Variants in RANBP17 observed in about 807,000 individuals in gnomAD.
RANBP17 encodes ran-binding protein 17.
A neutral mutation model predicts 141.2 loss-of-function variants in RANBP17; 158 were observed. The ratio of observed to expected loss-of-function variants is 1.12; its 90% confidence interval spans 0.98 to 1.28. RANBP17 has a LOEUF of 1.28. RANBP17 is among the 50% of genes most tolerant of loss of function. RANBP17 has a pLI of 0.00. For missense variants in RANBP17, 1,438 were observed against 1,290.7 expected (o/e 1.11, Z -1.75); for synonymous variants, 430 against 450.0 (o/e 0.96, Z 0.56).
At chr5:171,232,797 T>C (rs1297604118) in intron 22 of RANBP17, among the ~76,000 whole-genome samples, 1 of 152,144 alleles carries the variant, frequency 6.6e-6, no homozygotes, top group Non-Finnish European at 1.5e-5. Flanking sequence ...TGTTAACATA[T>C]ATAAATCTAC....
intron 14 of RANBP17, among the ~76,000 whole-genome samples, chr5:171,112,319 TC>T (rs1401827009): frequency 2.0e-5 from 3 of 152,160 alleles, no homozygotes; most frequent in African/African-American, 7.2e-5. Flanking sequence ...AAAATTTTTT[TC>T]AGTGTAAAAT....
intron 14 of RANBP17, among the ~76,000 whole-genome samples, chr5:171,086,585 T>C (rs1467087088): frequency 2.3e-4 from 33 of 142,800 alleles, no homozygotes; most frequent in Non-Finnish European, 4.6e-5. Context: ...TGTGAATCCA[T>C]CTGGTCCTGG....
At chr5:171,270,219 A>C (rs1175781474) in intron 25 of RANBP17, among the ~76,000 whole-genome samples, 2 of 152,320 alleles carry the variant, frequency 1.3e-5, no homozygotes, top group African/African-American at 4.8e-5. Context: ...GAGCTTCAAA[A>C]TTTTTAAAAA....
chr5:171,256,859 A>G (rs1196492991), intron 24 of RANBP17, among the ~76,000 whole-genome samples: 3 of 152,194 alleles, frequency 2.0e-5, no homozygotes, highest in African/African-American at 7.2e-5. Context: ...TGAACCAGGA[A>G]GAAATAGAAG....
At chr5:171,243,822 C>A (rs1019466703) in intron 24 of RANBP17, among the ~76,000 whole-genome samples, 1 of 150,786 alleles carries the variant, frequency 6.6e-6, no homozygotes, top group African/African-American at 2.4e-5. Context: ...GCCTGTAATC[C>A]CAGCACTTTG....
In RANBP17 at chr5:171,249,778, T is replaced by C. The variant is rs368853728; in HGVS notation, c.2776+6958T>C. Reference sequence around the variant, plus strand: ...TCATGACATATGAAACAACATAAAGTGATTGAATATTCAAATTGCCAGCAT... The same window carrying C: ...TCATGACATATGAAACAACATAAAGCGATTGAATATTCAAATTGCCAGCAT... On this transcript the variant is annotated intron_variant, in intron 24 of 27. Coordinates refer to ENST00000523189, the MANE Select transcript of RANBP17 (RefSeq NM_022897.5). Among the ~76,000 whole-genome samples, 195 of 152,048 alleles carry C rather than the reference T, an allele frequency of 1.3e-3. 9 individuals are homozygous for C. In the South Asian group the frequency reaches 0.039, roughly 30 times the overall value.
intron 14 of RANBP17, among the ~76,000 whole-genome samples, chr5:170,974,525 AGTGGCT>A (rs1777222838): frequency 1.3e-5 from 2 of 152,148 alleles, no homozygotes; most frequent in Non-Finnish European, 2.9e-5. Context: ...ATCACATGCC[AGTGGCT>A]CTTTTAGTCT....
intron 1 of RANBP17, among the ~76,000 whole-genome samples, chr5:170,866,122 A>G (rs1243507069): frequency 6.6e-6 from 1 of 152,144 alleles, no homozygotes; most frequent in African/African-American, 2.4e-5. Context: ...GATCCTAAAC[A>G]TGTAATTGGT....
intron 14 of RANBP17, among the ~76,000 whole-genome samples, chr5:171,051,197 A>C (rs1285247489): frequency 6.6e-6 from 1 of 152,034 alleles, no homozygotes; most frequent in Admixed American, 6.6e-5. Context: ...CTGTAAGTTT[A>C]TGTATTTTGC....
chr5:170,945,815 G>T (rs1390780635), intron 12 of RANBP17, among the ~76,000 whole-genome samples: 1 of 151,890 alleles, frequency 6.6e-6, no homozygotes, highest in Non-Finnish European at 1.5e-5. Flanking sequence ...CTTGTTTTGG[G>T]AATCAAAAAA....
rs575646299 is a variant in RANBP17 at position 170,939,171 on chromosome 5, A to G, written c.1469-14426A>G. Among the ~76,000 whole-genome samples, 200 of 152,274 alleles carry G rather than the reference A, an allele frequency of 1.3e-3. 1 individual carries two copies. Among genetic ancestry groups the G allele is most frequent in the South Asian group, 1.9e-3 (9 of 4,832 alleles). On this transcript the variant is annotated intron_variant, in intron 12 of 27. Transcript: ENST00000523189. ...CCAGGCTGTTATTGTATATCAGCAAAAATATCTTTCGAGAAAAACGATATA... is the reference window on the plus strand; with the variant it reads ...CCAGGCTGTTATTGTATATCAGCAAGAATATCTTTCGAGAAAAACGATATA...
rs150660474 is a variant in RANBP17 at position 171,178,954 on chromosome 5, T to C, written c.1866-4213T>C. 4.6e-3 allele frequency among the ~76,000 whole-genome samples: 700 copies of C among 152,350 alleles called. 5 individuals are homozygous for C. The highest frequency in any genetic ancestry group is 7.2e-3 in the Non-Finnish European group (491 of 68,042). On this transcript the variant is annotated intron_variant, in intron 16 of 27. Coordinates refer to ENST00000523189, the MANE Select transcript of RANBP17 (RefSeq NM_022897.5). The stretch of plus-strand genomic sequence containing the variant: ...TCAGATGGATAGATTGCAAACATTT[T>C]TCTCTCATTCTGTAGGTTGCCTGTT...
chr5:170,864,047 T>G (rs1164047945), intron 1 of RANBP17, among the ~76,000 whole-genome samples: 1 of 152,230 alleles, frequency 6.6e-6, no homozygotes, highest in East Asian at 1.9e-4. Context: ...ACCTAGCATT[T>G]TGAGTTTTCA....
chr5:171,147,404 T>G (rs1397161662), intron 14 of RANBP17, among the ~76,000 whole-genome samples: 2 of 147,796 alleles, frequency 1.4e-5, no homozygotes, highest in Non-Finnish European at 3.0e-5. Context: ...TTTGTGTGTT[T>G]TTTTTTTTTT....
intron 14 of RANBP17, among the ~76,000 whole-genome samples, chr5:171,065,746 T>C (rs1784274000): frequency 6.6e-6 from 1 of 152,248 alleles, no homozygotes; most frequent in African/African-American, 2.4e-5. Flanking sequence ...AGTACCATAC[T>C]GTTTAATGAA....
At position 171,205,573 on chromosome 5, in the gene RANBP17, T is replaced by G. The variant is rs1762531149; in HGVS notation, c.2192T>G (p.Leu731Arg). 6.2e-7 allele frequency: 1 copy of G among 1,613,924 alleles called. No homozygotes were observed. The highest frequency in any genetic ancestry group is 8.5e-7 in the Non-Finnish European group (1 of 1,179,936). The change falls in exon 20 of 28, where the codon CTG becomes CGG. Residue 731 changes from leucine (L) to arginine (R), a missense_variant. Transcript: ENST00000523189. ...GATCTTCGAGGGATTGCCTTTGCAC[T>G]GAACACAAAGACCAGCTACACCATG... ...ARDLRGIAFA[L>R]NTKTSYTMLF...
chr5:170,944,277 G>A (rs771502314), intron 12 of RANBP17, among the ~76,000 whole-genome samples: 3 of 152,064 alleles, frequency 2.0e-5, no homozygotes, highest in Non-Finnish European at 2.9e-5. Flanking sequence ...TAATAAGAAC[G>A]TCTTTTTTTG....
chr5:170,997,725 A>T (rs1778912634), intron 14 of RANBP17, among the ~76,000 whole-genome samples: 1 of 152,184 alleles, frequency 6.6e-6, no homozygotes, highest in African/African-American at 2.4e-5. Context: ...AAATTCTGAA[A>T]TCACTTGAGA....
chr5:171,214,512 T>G (rs1763097091), intron 21 of RANBP17, among the ~76,000 whole-genome samples: 1 of 152,112 alleles, frequency 6.6e-6, no homozygotes, highest in South Asian at 2.1e-4. Flanking sequence ...GTAAACTATG[T>G]GTTTAGAAGG....
Sources: allele counts gnomAD v4.1 joint callset (sites outside exome capture counted in the v4.1 genomes callset), GRCh38; gene constraint gnomAD v4.1.1; transcripts MANE v1.5; gene names NCBI Gene and HGNC (gene_info 2026-07-23, HGNC 2026-07-21).